ERBB4: variants seen among roughly 807,000 people sequenced by gnomAD.
The protein encoded by ERBB4 is erb-b2 receptor tyrosine kinase 4.
ERBB4 carries 42 observed loss-of-function variants against 158.0 expected under a neutral mutation model. The ratio of observed to expected loss-of-function variants is 0.27; its 90% CI spans 0.21 to 0.34. The LOEUF (loss-of-function observed/expected upper bound fraction) is 0.34, where lower values mean the gene tolerates loss of function less well. ERBB4 is among the 10% of genes least tolerant of loss of function. The probability of loss-of-function intolerance (pLI) is 1.00; values close to 1 mark genes in which losing one functional copy is unlikely to be tolerated. For synonymous variants in ERBB4, 583 were observed against 558.7 expected, an observed-to-expected ratio of 1.04 and a Z score of -0.61; for missense variants, 1,333 against 1,624.1, an observed-to-expected ratio of 0.82 and a Z score of 3.08.
chr2:212,519,994 C>T (rs1325298515), intron 1 of ERBB4, among the ~76,000 whole-genome samples: 1 of 151,862 alleles, frequency 6.6e-6, no homozygotes, highest in Non-Finnish European at 1.5e-5. Flanking sequence ...TATTATACAA[C>T]ATATGCAGGT....
In ERBB4 at chr2:211,387,016, G is replaced by T; in HGVS notation, c.3318C>A (p.Cys1106Ter). The T allele has an allele frequency of 6.2e-7, 1 of 1,614,092 alleles. No homozygotes were observed. The highest frequency in any genetic ancestry group is 8.5e-7 in the Non-Finnish European group (1 of 1,180,014). ...CTGGCTTGCGTAGGGTGCCATTACA[G>T]CAGGAGTCATCAAAAATCTCAGCAG... ...GATAEIFDDS[C>*]CNGTLRKPVA... The change falls in exon 27 of 28, where the codon TGC becomes TGA. Residue 1106 changes from cysteine to a stop codon, truncating the protein, a stop_gained. Transcript: ENST00000342788. LOFTEE classifies it high-confidence loss of function.
intron 1 of ERBB4, among the ~76,000 whole-genome samples, chr2:212,515,547 A>G (rs1691776572): frequency 6.6e-6 from 1 of 151,746 alleles, no homozygotes; most frequent in South Asian, 2.1e-4. Context: ...AACCCTCAGT[A>G]TATATAATTC....
At chr2:211,897,063 A>G (rs1310485613) in intron 3 of ERBB4, among the ~76,000 whole-genome samples, 2 of 150,116 alleles carry the variant, frequency 1.3e-5, no homozygotes, top group Admixed American at 6.7e-5. Context: ...AAATTATTAT[A>G]TAAGTATAGA....
At chr2:212,012,372 T>C (rs1197507490) in intron 2 of ERBB4, among the ~76,000 whole-genome samples, 4 of 152,024 alleles carry the variant, frequency 2.6e-5, no homozygotes, top group Non-Finnish European at 2.9e-5. Flanking sequence ...ACTGGGCTGG[T>C]CATTGTTTCT....
In ERBB4 at chr2:212,217,125, A is replaced by G. The variant is rs116759721; in HGVS notation, c.83-92222T>C. Among the ~76,000 whole-genome samples the G allele has an allele frequency of 6.2e-3, 935 of 151,526 alleles. 12 individuals carry two copies. The highest frequency in any genetic ancestry group is 0.022 in the African/African-American group (898 of 41,478). On this transcript the variant is annotated intron_variant, in intron 1 of 27. Coordinates refer to ENST00000342788, the MANE Select transcript of ERBB4 (RefSeq NM_005235.3). ...AAAGATAATTTTATTATTAGCTTGG[A>G]TGCTAGAATATAATTTTCATTGACT... is the stretch of plus-strand genomic sequence containing the variant.
intron 1 of ERBB4, among the ~76,000 whole-genome samples, chr2:212,341,125 G>A (rs1876048): frequency 0.62 from 93,548 of 151,584 alleles, 30,341 homozygotes; most frequent in East Asian, 0.8. Flanking sequence ...AAATAAATAC[G>A]AAACAGAATT....
At chr2:212,508,055 C>T (rs895756718) in intron 1 of ERBB4, among the ~76,000 whole-genome samples, 3 of 152,176 alleles carry the variant, frequency 2.0e-5, no homozygotes, top group Non-Finnish European at 4.4e-5. Context: ...CAACCATCAA[C>T]AGCCAAGCAA....
intron 4 of ERBB4, among the ~76,000 whole-genome samples, chr2:211,757,229 CTA>C (rs1183558785): frequency 6.6e-6 from 1 of 152,146 alleles, no homozygotes; most frequent in East Asian, 1.9e-4. Context: ...TTCAATTTTC[CTA>C]TCCTGCCTCT....
At chr2:212,476,142 C>CTA (rs1435128982) in intron 1 of ERBB4, among the ~76,000 whole-genome samples, 1 of 139,158 alleles carries the variant, frequency 7.2e-6, no homozygotes, top group African/African-American at 3.0e-5. Context: ...TACTCTCTCT[C>CTA]TCTCTCTCTG....
At chr2:212,310,641 GTGTA>G (rs374541452) in intron 1 of ERBB4, among the ~76,000 whole-genome samples, 2,979 of 117,730 alleles carry the variant, frequency 0.025, 25 homozygotes, top group African/African-American at 0.036. Context: ...GTGTGTGTGT[GTGTA>G]TATATATATA....
intron 3 of ERBB4, among the ~76,000 whole-genome samples, chr2:211,884,308 T>G (rs2078738878): frequency 6.6e-6 from 1 of 152,178 alleles, no homozygotes; most frequent in African/African-American, 2.4e-5. Flanking sequence ...AATATTGAAA[T>G]AGCTACCCTG....
intron 25 of ERBB4, among the ~76,000 whole-genome samples, chr2:211,413,309 A>AAAAAAAAAAAAACACAC (rs1553524037): frequency 6.3e-5 from 6 of 94,572 alleles, no homozygotes; most frequent in African/African-American, 2.3e-4. Context: ...CTGTCTTAAA[A>AAAAAAAAAAAAACACAC]ACACACACAC....
chr2:211,886,294 C>A (rs1028148057), intron 3 of ERBB4, among the ~76,000 whole-genome samples: 33 of 152,270 alleles, frequency 2.2e-4, no homozygotes, highest in African/African-American at 7.9e-4. Context: ...TGACATTTTT[C>A]ATAGCTTTTA....
chr2:211,655,597 C>A (rs1195929495), intron 16 of ERBB4, among the ~76,000 whole-genome samples: 1 of 152,090 alleles, frequency 6.6e-6, no homozygotes, highest in Non-Finnish European at 1.5e-5. Flanking sequence ...CCTAACTAGT[C>A]CACTGGAATA....
In ERBB4 at chr2:212,199,447, A is replaced by C. The variant is rs115578011; in HGVS notation, c.83-74544T>G. Among the ~76,000 whole-genome samples the C allele has an allele frequency of 6.5e-3, 994 of 152,310 alleles. 13 individuals are homozygous for C. Among genetic ancestry groups the C allele is most frequent in the African/African-American group, 0.021 (892 of 41,568 alleles). ...ATCCCCAGAACATAACTATTACATCATAAATTATATCACAATTTGTAGTAG... is the reference window on the plus strand; with the variant it reads ...ATCCCCAGAACATAACTATTACATCCTAAATTATATCACAATTTGTAGTAG... On this transcript the variant is annotated intron_variant, in intron 1 of 27. Transcript: ENST00000342788.
chr2:212,247,818 G>T (rs2084368186), intron 1 of ERBB4, among the ~76,000 whole-genome samples: 1 of 152,036 alleles, frequency 6.6e-6, no homozygotes, highest in Non-Finnish European at 1.5e-5. Flanking sequence ...ACAAAAATTA[G>T]CTGGGCATGT....
At chr2:211,493,580 A>AC (rs1185873188) in intron 20 of ERBB4, among the ~76,000 whole-genome samples, 1 of 151,780 alleles carries the variant, frequency 6.6e-6, no homozygotes. Context: ...AACAAAAACA[A>AC]AAAAAAACAC....
chr2:212,269,037 GT>G (rs2085251472), intron 1 of ERBB4, among the ~76,000 whole-genome samples: 2 of 151,668 alleles, frequency 1.3e-5, no homozygotes, highest in Non-Finnish European at 2.9e-5. Context: ...AAAAAATGTA[GT>G]TTTAAAATCC....
At chr2:212,521,681 C>G (rs1284761869) in intron 1 of ERBB4, among the ~76,000 whole-genome samples, 1 of 151,882 alleles carries the variant, frequency 6.6e-6, no homozygotes, top group Non-Finnish European at 1.5e-5. Context: ...TTAACCTTCA[C>G]AACTATGAGG....
Sources: allele counts gnomAD v4.1 joint callset (sites outside exome capture counted in the v4.1 genomes callset), GRCh38; gene constraint gnomAD v4.1.1; transcripts MANE v1.5; gene names NCBI Gene and HGNC (gene_info 2026-07-23, HGNC 2026-07-21).